Variants in UNC79 observed in about 807,000 individuals in gnomAD.
UNC79 encodes unc-79 subunit of NALCN channel complex.
UNC79 carries 37 observed loss-of-function variants against 283.1 expected under a neutral mutation model. That is an observed-to-expected ratio of 0.13 (90% CI 0.10 to 0.17). UNC79 has a LOEUF of 0.17. UNC79 is among the 10% of genes least tolerant of loss of function. The pLI, the probability that UNC79 is intolerant of heterozygous loss-of-function variation, is 1.00. For synonymous variants in UNC79, 1,107 were observed against 1,200.2 expected (o/e 0.92, Z 1.61); for missense variants, 2,272 against 3,211.1 (o/e 0.71, Z 7.07).
rs1169336988 is a variant in UNC79, at chr14:93,365,069, C to CA, written c.-351+31555dup. ...GCAACATAGGGAGACCCTATCTCTA[C>CA]AAAAAAAAACCTTTTAATTAAAAAA... On this transcript the variant is annotated intron_variant, in intron 1 of 49. Coordinates refer to the UNC79 transcript ENST00000256339. Among the ~76,000 whole-genome samples the CA allele has an allele frequency of 1.6e-3, 238 of 149,910 alleles. 1 individual carries two copies. Among genetic ancestry groups the CA allele is most frequent in the Admixed American group, 4.5e-3 (68 of 15,054 alleles).
chr14:93,489,930 C>A (rs1046918887), intron 5 of UNC79, among the ~76,000 whole-genome samples: 2 of 152,318 alleles, frequency 1.3e-5, no homozygotes, highest in Non-Finnish European at 2.9e-5. Context: ...TTCCAGCTCT[C>A]CTGGGCATCC....
At chr14:93,348,361 T>C in intron 1 of UNC79, 1 of 440,116 alleles carries the variant, frequency 2.3e-6, no homozygotes, top group South Asian at 4.1e-5. Context: ...TGGTAATATG[T>C]GTGCAGATTA....
chr14:93,699,823 A>G (rs2075398948), intron 47 of UNC79, among the ~76,000 whole-genome samples: 1 of 152,152 alleles, frequency 6.6e-6, no homozygotes, highest in Non-Finnish European at 1.5e-5. Flanking sequence ...AACAAGTTTT[A>G]TGTTCAGTTA....
chr14:93,638,144 C>T lies in UNC79; in HGVS notation c.5800+845C>T, dbSNP rs530131915. ...CTATCATTGGTAGAAAAGCAGAATA[C>T]CCAGAAAGAATTATAATCCCATCTC... On this transcript the variant is annotated intron_variant, in intron 32 of 48. Transcript: ENST00000555664. Among the ~76,000 whole-genome samples, 363 of 152,246 alleles carry T rather than the reference C, an allele frequency of 2.4e-3. 3 individuals are homozygous for T. The highest frequency in any genetic ancestry group is 8.4e-3 in the African/African-American group (349 of 41,554).
chr14:93,668,159 G>T (rs1462317422), intron 40 of UNC79, among the ~76,000 whole-genome samples: 1 of 152,094 alleles, frequency 6.6e-6, no homozygotes, highest in Non-Finnish European at 1.5e-5. Flanking sequence ...ATTCAGTTCT[G>T]CAAGACAGGA....
chr14:93,519,432 T>C (rs1262278647), intron 7 of UNC79, among the ~76,000 whole-genome samples: 2 of 151,822 alleles, frequency 1.3e-5, no homozygotes, highest in African/African-American at 4.8e-5. Context: ...CAGCATACAA[T>C]TGGGTCATGG....
At chr14:93,369,143 G>GT (rs2054394527) in intron 1 of UNC79, among the ~76,000 whole-genome samples, 1 of 152,226 alleles carries the variant, frequency 6.6e-6, no homozygotes, top group Admixed American at 6.5e-5. Flanking sequence ...AACCCAAAGG[G>GT]TGTTGTTGTG....
chr14:93,526,281 G>T (rs914274099), intron 8 of UNC79, among the ~76,000 whole-genome samples: 1 of 152,150 alleles, frequency 6.6e-6, no homozygotes, highest in Non-Finnish European at 1.5e-5. Context: ...TTTACAGTGT[G>T]AGTCCGCCCA....
chr14:93,575,339 A>G (rs2063413373), intron 17 of UNC79, 141 bp downstream of exon 17: 1 of 912,510 alleles, frequency 1.1e-6, no homozygotes. Context: ...TTTTAAGTGC[A>G]TTAAATAGTC....
At chr14:93,619,339 G>C (rs936394892) in intron 29 of UNC79, among the ~76,000 whole-genome samples, 11 of 152,208 alleles carry the variant, frequency 7.2e-5, no homozygotes, top group African/African-American at 2.7e-4. Flanking sequence ...TAGTGTTTGG[G>C]CCAAACCCTG....
rs529462900 is a variant in UNC79 at position 93,575,626 on chromosome 14, G to A, written c.2211+428G>A. Among the ~76,000 whole-genome samples the A allele has an allele frequency of 3.3e-5, 5 of 152,186 alleles. No homozygotes were observed. In the East Asian group the frequency reaches 7.7e-4, roughly 24 times the overall value. On this transcript the variant is annotated intron_variant, in intron 17 of 48. Transcript: ENST00000555664. ...TCAACTACTGGTGACTGTGAGGGAT[G>A]CTGTCACTGTGAACCAACTGAGCCC...
At chr14:93,401,887 A>C (rs1483319548) in intron 1 of UNC79, among the ~76,000 whole-genome samples, 1 of 152,224 alleles carries the variant, frequency 6.6e-6, no homozygotes, top group Non-Finnish European at 1.5e-5. Context: ...AAGAGTGAGC[A>C]TAAGGGAATA....
chr14:93,568,570 C>G (rs1474632532), intron 14 of UNC79, among the ~76,000 whole-genome samples: 1 of 151,962 alleles, frequency 6.6e-6, no homozygotes, highest in Non-Finnish European at 1.5e-5. Flanking sequence ...GCTTGGGAGG[C>G]TGAGGCAGGA....
chr14:93,484,130 T>A (rs2058288085), intron 4 of UNC79, among the ~76,000 whole-genome samples: 1 of 152,184 alleles, frequency 6.6e-6, no homozygotes. Context: ...GTTGAACTAG[T>A]TTACAGTCCC....
At chr14:93,391,335 C>T (rs1290829645) in intron 1 of UNC79, among the ~76,000 whole-genome samples, 1 of 152,024 alleles carries the variant, frequency 6.6e-6, no homozygotes, top group Non-Finnish European at 1.5e-5. Flanking sequence ...ATCAATTCCA[C>T]GTGGGTTGTA....
rs1422579920 is a variant in UNC79 at position 93,442,299 on chromosome 14, T to C, written c.22+11248T>C. 3.9e-5 allele frequency among the ~76,000 whole-genome samples: 6 copies of C among 152,202 alleles called. No individual in the cohort carries two copies. The East Asian group carries it at 9.6e-4, about 24-fold the overall frequency. On this transcript the variant is annotated intron_variant, in intron 1 of 48. Coordinates refer to ENST00000555664, the Ensembl canonical transcript of UNC79. ...TGTTTTGTTCCATTGTTTGGCATTTTCTCTTGAGATCCCTATCGTACACAT... is the reference window on the plus strand; with the variant it reads ...TGTTTTGTTCCATTGTTTGGCATTTCCTCTTGAGATCCCTATCGTACACAT...
At chr14:93,382,649 A>ACAGATG (rs1386579361) in intron 1 of UNC79, among the ~76,000 whole-genome samples, 1 of 152,208 alleles carries the variant, frequency 6.6e-6, no homozygotes. Flanking sequence ...AATGAGTAAG[A>ACAGATG]CAGATGCAGA....
chr14:93,621,891 C>T lies in UNC79; in HGVS notation c.4658C>T (p.Ala1553Val). 6.2e-7 allele frequency: 1 copy of T among 1,614,100 alleles called. No individual in the cohort carries two copies. Among genetic ancestry groups the T allele is most frequent in the Non-Finnish European group, 8.5e-7 (1 of 1,180,022 alleles). The change falls in exon 30 of 49, where the codon GCT becomes GTT. Residue 1553 changes from alanine (A) to valine (V), a missense_variant. By Grantham distance (64) the Ala-to-Val change is moderately conservative. Transcript: ENST00000555664. The surrounding 1 kb of genome is among the most constrained non-coding windows in gnomAD (Gnocchi z 4.8). ...CCTGGACGTTCTAGACAGAACTCTG[C>T]TACGAGGCCTGACAATAGTGAAATC...
rs184044010 is a variant in UNC79 at position 93,612,077 on chromosome 14, T to C, written c.3755-720T>C. ...TAAGAGGAGGCCAAGGGCGAAGGTA[T>C]TTTTTCTTTCCATGTGAACTTTCCG... On this transcript the variant is annotated intron_variant, in intron 26 of 48. Coordinates refer to ENST00000555664, the Ensembl canonical transcript of UNC79. Among the ~76,000 whole-genome samples the C allele has an allele frequency of 2.4e-3, 365 of 152,340 alleles. 3 individuals carry two copies. The highest frequency in any genetic ancestry group is 8.4e-3 in the African/African-American group (351 of 41,568).
Sources: gnomAD v4.1 joint callset for allele counts (sites outside exome capture counted in the v4.1 genomes callset) on GRCh38, gnomAD v4.1.1 for gene constraint, Gnocchi (gnomAD v3.1) non-coding constraint, MANE v1.5 for transcripts, NCBI Gene and HGNC (gene_info 2026-07-23, HGNC 2026-07-21) for gene names.